Variants in CATSPERE observed in about 807,000 individuals in gnomAD.
CATSPERE encodes catsper channel auxiliary subunit epsilon.
A neutral mutation model predicts 114.1 loss-of-function variants in CATSPERE; 93 were observed. The observed-to-expected ratio is 0.81, with a 90% CI of 0.69 to 0.97. The LOEUF (loss-of-function observed/expected upper bound fraction) is 0.97. Ranked by LOEUF, CATSPERE falls within the 50% of genes least tolerant of loss-of-function variation. The probability of loss-of-function intolerance (pLI) is 0.00; values close to 1 mark genes in which losing one functional copy is unlikely to be tolerated. For synonymous variants in CATSPERE, 341 were observed against 384.1 expected, an observed-to-expected ratio of 0.89 and a Z score of 1.31; for missense variants, 1,058 against 1,131.6, an observed-to-expected ratio of 0.93 and a Z score of 0.93.
chr1:244,519,322 A>G (rs1032823590), intron 8 of CATSPERE, among the ~76,000 whole-genome samples: 6 of 152,330 alleles, frequency 3.9e-5, no homozygotes, highest in East Asian at 1.9e-4. Flanking sequence ...TTTTCTAAAA[A>G]GGTGACATCT....
rs1464408384 is a variant in CATSPERE at position 244,633,373 on chromosome 1, G to T, written c.2649-2116G>T. Reference sequence around the variant, plus strand: ...TTTCATTCTATCAAAGGTCAACTTGGCCCTCTTTTCAGTCACAATTGCCTC... The same window carrying T: ...TTTCATTCTATCAAAGGTCAACTTGTCCCTCTTTTCAGTCACAATTGCCTC... On this transcript the variant is annotated intron_variant, in intron 20 of 21. Coordinates refer to ENST00000366534, the MANE Select transcript of CATSPERE (RefSeq NM_001130957.2). This position sits in a 1 kb window ranked among gnomAD's most constrained non-coding sequence, Gnocchi z 4.1. Among the ~76,000 whole-genome samples the T allele has an allele frequency of 6.6e-5, 10 of 152,112 alleles. No homozygotes were observed. In the East Asian group the frequency reaches 1.5e-3, roughly 24 times the overall value.
rs759166646 is a variant in CATSPERE, at chr1:244,572,514, G to A, written c.1692G>A (p.Gln564=). 1.2e-5 allele frequency: 19 copies of A among 1,614,082 alleles called. No individual in the cohort carries two copies. In the East Asian group the frequency reaches 4.0e-4, roughly 34 times the overall value. ...TGGATGATGGCACAATACAAATACA[G>A]GACTATCCCTTACATCTGGAAGCAC... ...YALDDGTIQI[Q]DYPLHLEAQS... The change falls in exon 11 of 22, where the codon CAG becomes CAA. Residue 564 remains glutamine (Q), a synonymous_variant. Transcript: ENST00000366534.
At chr1:244,603,860 T>G (rs1669618642) in intron 17 of CATSPERE, among the ~76,000 whole-genome samples, 1 of 152,002 alleles carries the variant, frequency 6.6e-6, no homozygotes, top group South Asian at 2.1e-4. Context: ...ATTTTAAAAT[T>G]TACTGGGTGT....
intron 2 of CATSPERE, among the ~76,000 whole-genome samples, chr1:244,467,265 G>A (rs1215794175): frequency 6.6e-6 from 1 of 151,902 alleles, no homozygotes; most frequent in African/African-American, 2.4e-5. Context: ...TCTTTAAGAA[G>A]CACATCATTT....
chr1:244,493,678 A>G (rs1237501050), intron 6 of CATSPERE, among the ~76,000 whole-genome samples: 1 of 152,242 alleles, frequency 6.6e-6, no homozygotes, highest in Non-Finnish European at 1.5e-5. Flanking sequence ...ACAAAATGGG[A>G]GAAAATTTTT....
At chr1:244,518,738 A>T in intron 8 of CATSPERE, 40 bp downstream of exon 8, 1 of 1,064,580 alleles carries the variant, frequency 9.4e-7, no homozygotes, top group Non-Finnish European at 1.4e-6. Context: ...GAAATATGAA[A>T]ACTTAAACTA....
At position 244,573,394 on chromosome 1, in the gene CATSPERE, G is replaced by A. The variant is rs1036451923; in HGVS notation, c.1950+622G>A. On this transcript the variant is annotated intron_variant, in intron 11 of 21. Transcript: ENST00000366534. This position sits in a 1 kb window ranked among gnomAD's most constrained non-coding sequence, Gnocchi z 4.0. Reference sequence around the variant, plus strand: ...CCACTGCACTCCAGCCTGGGTGACAGAGTGAGACTCCCTCTCAAAAAACAA... The same window carrying A: ...CCACTGCACTCCAGCCTGGGTGACAAAGTGAGACTCCCTCTCAAAAAACAA... Among the ~76,000 whole-genome samples, 4 of 147,404 alleles carry A rather than the reference G, an allele frequency of 2.7e-5. No homozygotes were observed. Among genetic ancestry groups the A allele is most frequent in the Non-Finnish European group, 6.0e-5 (4 of 66,614 alleles).
chr1:244,525,053 G>A (rs1269650509), intron 8 of CATSPERE, among the ~76,000 whole-genome samples: 95 of 145,734 alleles, frequency 6.5e-4, no homozygotes, highest in African/African-American at 2.1e-3. Flanking sequence ...TGTTTATTGC[G>A]GCATTATTCA....
At chr1:244,603,110 T>C (rs2148671478) in intron 17 of CATSPERE, among the ~76,000 whole-genome samples, 1 of 152,150 alleles carries the variant, frequency 6.6e-6, no homozygotes, top group Non-Finnish European at 1.5e-5. Context: ...TCTGGGGTGA[T>C]GAGGGTAGGA....
intron 2 of CATSPERE, among the ~76,000 whole-genome samples, chr1:244,476,042 G>A (rs1669295383): frequency 6.6e-6 from 1 of 152,110 alleles, no homozygotes; most frequent in African/African-American, 2.4e-5. Flanking sequence ...CATTGTATAT[G>A]TGATAGTAAC....
At chr1:244,546,979 T>G (rs1034004499) in intron 8 of CATSPERE, among the ~76,000 whole-genome samples, 5 of 152,172 alleles carry the variant, frequency 3.3e-5, no homozygotes, top group Admixed American at 6.5e-5. Context: ...ACATAAAGAT[T>G]AAAGGTCATC....
At chr1:244,621,107 T>TATATATAAAATATATATAA (rs1672141343) in intron 20 of CATSPERE, among the ~76,000 whole-genome samples, 1 of 55,354 alleles carries the variant, frequency 1.8e-5, no homozygotes, top group African/African-American at 7.5e-5. Context: ...TATATATAAA[T>TATATATAAAATATATATAA]ATATATATAA....
At chr1:244,602,570 CT>C (rs1669408329) in intron 17 of CATSPERE, among the ~76,000 whole-genome samples, 1 of 152,188 alleles carries the variant, frequency 6.6e-6, no homozygotes, top group Non-Finnish European at 1.5e-5. Context: ...GAAGCCAGCC[CT>C]GGGAGTGTGA....
intron 10 of CATSPERE, among the ~76,000 whole-genome samples, chr1:244,565,209 C>A (rs1306057823): frequency 2.0e-5 from 3 of 152,076 alleles, no homozygotes; most frequent in African/African-American, 7.2e-5. Flanking sequence ...CTGAAATTTT[C>A]TTTTTTTGTT....
intron 17 of CATSPERE, among the ~76,000 whole-genome samples, chr1:244,604,158 T>A (rs1408788076): frequency 1.3e-5 from 2 of 152,262 alleles, no homozygotes; most frequent in South Asian, 2.1e-4. Context: ...TGCATTTGTC[T>A]GTTGCGAAAG....
intron 9 of CATSPERE, among the ~76,000 whole-genome samples, chr1:244,553,842 C>T (rs553823864): frequency 1.3e-5 from 2 of 152,230 alleles, no homozygotes; most frequent in South Asian, 4.1e-4. Context: ...CCCTCTCCTT[C>T]CCAGACTCTA....
intron 1 of CATSPERE, among the ~76,000 whole-genome samples, chr1:244,455,652 G>C (rs994034138): frequency 6.6e-6 from 1 of 151,748 alleles, no homozygotes; most frequent in Non-Finnish European, 1.5e-5. Flanking sequence ...CTGGAAAAAG[G>C]TCTTTTTTTC....
At chr1:244,584,841 A>G (rs6678335) in intron 13 of CATSPERE, among the ~76,000 whole-genome samples, 28,317 of 152,064 alleles carry the variant, frequency 0.19, 3,831 homozygotes, top group East Asian at 0.4. Flanking sequence ...TGAGCACTGC[A>G]GACACACGCT....
intron 20 of CATSPERE, among the ~76,000 whole-genome samples, chr1:244,620,117 C>A (rs1471377415): frequency 6.6e-6 from 1 of 152,120 alleles, no homozygotes; most frequent in African/African-American, 2.4e-5. Flanking sequence ...TTGTATGTGG[C>A]CGAAATTCCT....
Sources: allele counts gnomAD v4.1 joint callset (sites outside exome capture counted in the v4.1 genomes callset), GRCh38; gene constraint gnomAD v4.1.1; non-coding constraint Gnocchi (gnomAD v3.1); transcripts MANE v1.5; gene names NCBI Gene and HGNC (gene_info 2026-07-23, HGNC 2026-07-21).